Variants in BNIP2 observed in about 807,000 individuals in gnomAD.
BNIP2 encodes BCL2/adenovirus E1B 19 kDa protein-interacting protein 2.
BNIP2 carries 36 observed loss-of-function variants against 43.4 expected under a neutral mutation model. The observed-to-expected ratio is 0.83, with a 90% CI of 0.64 to 1.10. The LOEUF (loss-of-function observed/expected upper bound fraction) is 1.10. Ranked by LOEUF, BNIP2 falls within the 50% of genes least tolerant of loss-of-function variation. The pLI is 0.00. For synonymous variants in BNIP2, 146 were observed against 121.0 expected, an observed-to-expected ratio of 1.21 and a Z score of -1.35; for missense variants, 417 against 374.1, an observed-to-expected ratio of 1.11 and a Z score of -0.95.
At chr15:59,673,423 C>CT (rs1206202554) in intron 5 of BNIP2, among the ~76,000 whole-genome samples, 35 of 151,842 alleles carry the variant, frequency 2.3e-4, no homozygotes, top group African/African-American at 8.0e-4. Context: ...AAAGTGGGTG[C>CT]TTTTTTAAAT....
Position 59,660,226 on chromosome 15 carries a change from T to A in BNIP2, c.*3843A>T, listed in dbSNP as rs1457303785. The stretch of plus-strand genomic sequence containing the variant: ...TTAACAGCAAAATAGGTCTAACTTG[T>A]GAGTACATACATTAATGCCTCTTTT... On this transcript the variant is annotated 3_prime_UTR_variant, in exon 10 of 10. Transcript: ENST00000607373. The A allele has an allele frequency of 6.6e-6, 1 of 152,188 alleles. No homozygotes were observed. Among genetic ancestry groups the A allele is most frequent in the African/African-American group, 2.4e-5 (1 of 41,442 alleles). 9.4% of individuals were successfully genotyped at this position (152,188 alleles called of 1,614,324 possible). A position where few individuals can be genotyped will look rare whatever the true frequency, so the allele number is the denominator to read the frequency against.
intron 5 of BNIP2, chr15:59,677,093 C>T: frequency 6.2e-7 from 1 of 1,609,722 alleles, no homozygotes; most frequent in Non-Finnish European, 8.5e-7. Flanking sequence ...GCACTACCTT[C>T]ATAGAAATGG....
At chr15:59,681,078 T>C (rs866401532) in intron 2 of BNIP2, among the ~76,000 whole-genome samples, 3 of 152,254 alleles carry the variant, frequency 2.0e-5, no homozygotes, top group Non-Finnish European at 2.9e-5. Flanking sequence ...TGATGCAATG[T>C]ATGAAGCTCA....
At chr15:59,669,226 A>G (rs1390675102) in intron 8 of BNIP2, 50 bp downstream of exon 8, 1 of 1,301,774 alleles carries the variant, frequency 7.7e-7, no homozygotes, top group Non-Finnish European at 1.0e-6. Context: ...TTAACTAAAA[A>G]TAAATAAATA....
intron 1 of BNIP2, among the ~76,000 whole-genome samples, chr15:59,685,074 A>C (rs2142021244): frequency 6.6e-6 from 1 of 152,314 alleles, no homozygotes; most frequent in Non-Finnish European, 1.5e-5. Flanking sequence ...GAAACTACAC[A>C]CCAGCAATAT....
intron 5 of BNIP2, chr15:59,676,791 G>A: frequency 6.6e-7 from 1 of 1,513,240 alleles, no homozygotes. Context: ...GATATCTGCG[G>A]TGGCCGCCTG....
At chr15:59,669,074 C>A in intron 8 of BNIP2, 84 bp from the exon 9 acceptor site, 5 of 1,278,128 alleles carry the variant, frequency 3.9e-6, no homozygotes, top group Admixed American at 2.2e-5. Context: ...AAAATCATGT[C>A]ATTTTGAATG....
rs1187243919 is a variant in BNIP2, at chr15:59,663,151, T to C, written c.*918A>G. ...CAGCCCCTGTTTTCTATAGAAAAAGTTGTGACAGTGAATAACTCATCACAT... is the reference window on the plus strand; with the variant it reads ...CAGCCCCTGTTTTCTATAGAAAAAGCTGTGACAGTGAATAACTCATCACAT... On this transcript the variant is annotated 3_prime_UTR_variant, in exon 10 of 10. Coordinates refer to ENST00000607373, the MANE Select transcript of BNIP2 (RefSeq NM_004330.4). 9 of 152,624 alleles carry C rather than the reference T, an allele frequency of 5.9e-5. No individual in the cohort carries two copies. Among genetic ancestry groups the C allele is most frequent in the African/African-American group, 1.4e-4 (6 of 41,430 alleles). 9.5% of individuals were successfully genotyped at this position (152,624 alleles called of 1,614,324 possible).
intron 9 of BNIP2, chr15:59,667,954 T>C: frequency 2.6e-6 from 1 of 383,724 alleles, no homozygotes; most frequent in Non-Finnish European, 4.6e-6. Context: ...TTAGGAACTC[T>C]GGGTTCACCC....
intron 4 of BNIP2, chr15:59,679,171 C>T (rs144514528): frequency 8.5e-4 from 152 of 179,794 alleles, no homozygotes; most frequent in African/African-American, 3.3e-3. Flanking sequence ...ATACTAGGTT[C>T]GGGGGCTAAA....
chr15:59,668,689 A>T (rs1892708383), intron 9 of BNIP2: 1 of 493,518 alleles, frequency 2.0e-6, no homozygotes, highest in Admixed American at 3.8e-5. Context: ...TCTTCAACTG[A>T]CAGCCTGAAG....
chr15:59,688,987 G>C, intron 1 of BNIP2, 148 bp downstream of exon 1: 1 of 1,442,746 alleles, frequency 6.9e-7, no homozygotes, highest in Non-Finnish European at 9.0e-7. Context: ...CTCCCGAGCA[G>C]GTTCTATGGC....
chr15:59,683,890 TAAAAC>T (rs1331771261), intron 1 of BNIP2, among the ~76,000 whole-genome samples: 1 of 152,206 alleles, frequency 6.6e-6, no homozygotes, highest in Non-Finnish European at 1.5e-5. Flanking sequence ...ATTTGATTTT[TAAAAC>T]AATACTATCT....
rs1892270265 is a variant in BNIP2, at chr15:59,661,486, A to C, written c.*2583T>G. 1 of 152,166 alleles carries C rather than the reference A, an allele frequency of 6.6e-6. No homozygotes were observed. Among genetic ancestry groups the C allele is most frequent in the African/African-American group, 2.4e-5 (1 of 41,420 alleles). The allele number at this position is 152,166 out of a possible 1,614,324, so 9.4% of individuals were successfully genotyped here. A position where few individuals can be genotyped will look rare whatever the true frequency, so the allele number is the denominator to read the frequency against. ...ACCCTACTTAGAATCATATTTCTTC[A>C]TATCTCCCTCTGAGTTAAAGATTGT... is the stretch of plus-strand genomic sequence containing the variant. On this transcript the variant is annotated 3_prime_UTR_variant, in exon 10 of 10. Transcript: ENST00000607373.
intron 1 of BNIP2, chr15:59,688,711 C>T (rs961026127): frequency 4.6e-6 from 7 of 1,535,402 alleles, no homozygotes; most frequent in Non-Finnish European, 4.4e-6. Context: ...CGTGTCTATT[C>T]CCCGCGGTTA....
intron 5 of BNIP2, 154 bp downstream of exon 5, chr15:59,677,757 G>A: frequency 8.4e-7 from 1 of 1,186,182 alleles, no homozygotes; most frequent in Non-Finnish European, 1.1e-6. Flanking sequence ...GAACTGGTTA[G>A]CAGGAAGAAA....
intron 5 of BNIP2, among the ~76,000 whole-genome samples, chr15:59,676,537 G>A (rs1893302918): frequency 6.6e-6 from 1 of 151,988 alleles, no homozygotes; most frequent in Non-Finnish European, 1.5e-5. Flanking sequence ...CTTACTGTAT[G>A]CATATAATCA....
At chr15:59,686,179 G>A (rs1371935471) in intron 1 of BNIP2, among the ~76,000 whole-genome samples, 1 of 152,180 alleles carries the variant, frequency 6.6e-6, no homozygotes, top group Non-Finnish European at 1.5e-5. Context: ...TCAAGGGGGA[G>A]GAGTACTGGT....
chr15:59,670,649 G>T (rs6151553), intron 7 of BNIP2, among the ~76,000 whole-genome samples: 85,638 of 152,032 alleles, frequency 0.56, 24,782 homozygotes, highest in Middle Eastern at 0.65. Flanking sequence ...TAAGTTTGAA[G>T]AATTAAGGTT....
Sources: allele counts gnomAD v4.1 joint callset (sites outside exome capture counted in the v4.1 genomes callset), GRCh38; gene constraint gnomAD v4.1.1; transcripts MANE v1.5; gene names NCBI Gene and HGNC (gene_info 2026-07-23, HGNC 2026-07-21).